ADSS2: variants seen among roughly 807,000 people sequenced by gnomAD.
The protein encoded by ADSS2 is adenylosuccinate synthase 2.
Under a neutral mutation model 60.0 loss-of-function variants are expected in ADSS2, and 30 were observed. That is an observed-to-expected ratio of 0.50 (90% CI 0.37 to 0.68). The LOEUF (loss-of-function observed/expected upper bound fraction) is 0.68, where lower values mean the gene tolerates loss of function less well. Among genes scored for constraint, ADSS2 ranks in the 30% least tolerant of loss-of-function variants. The pLI is 0.00. For missense variants in ADSS2, 373 were observed against 554.8 expected, an observed-to-expected ratio of 0.67 and a Z score of 3.29; for synonymous variants, 187 against 193.1, an observed-to-expected ratio of 0.97 and a Z score of 0.26.
intron 6 of ADSS2, among the ~76,000 whole-genome samples, chr1:244,423,231 A>G (rs1243065098): frequency 6.6e-6 from 1 of 152,238 alleles, no homozygotes; most frequent in African/African-American, 2.4e-5. Flanking sequence ...AATTAACTGT[A>G]TTATACTGTA....
At chr1:244,431,843 TGCTTGGCTGAGAAA>T (rs1664953133) in intron 4 of ADSS2, among the ~76,000 whole-genome samples, 1 of 152,238 alleles carries the variant, frequency 6.6e-6, no homozygotes, top group Non-Finnish European at 1.5e-5. Flanking sequence ...TTGATTTCTG[TGCTTGGCTGAGAAA>T]TACTGTAAGT....
rs1048427245 is a variant in ADSS2, at chr1:244,451,448, G to A, written c.183+187C>T. On this transcript the variant is annotated intron_variant, in intron 1 of 12. Transcript: ENST00000366535. The surrounding 1 kb of genome is among the most constrained non-coding windows in gnomAD (Gnocchi z 6.6). ...CCCCAAGTTTCACCCGACGCTCCAG[G>A]TCAGGGGTCCCCGACCTCCCGCCAT... Among the ~76,000 whole-genome samples, 2 of 152,170 alleles carry A rather than the reference G, an allele frequency of 1.3e-5. No individual in the cohort carries two copies. Among genetic ancestry groups the A allele is most frequent in the Non-Finnish European group, 2.9e-5 (2 of 68,024 alleles).
intron 1 of ADSS2, among the ~76,000 whole-genome samples, chr1:244,447,288 C>T (rs1192604124): frequency 6.6e-6 from 1 of 152,160 alleles, no homozygotes; most frequent in Non-Finnish European, 1.5e-5. Flanking sequence ...AAGTAAATAT[C>T]AATTTATTGG....
In ADSS2 at chr1:244,411,275, G is replaced by C. The variant is rs1664408545; in HGVS notation, c.1318+12C>G. 1.3e-6 allele frequency: 2 copies of C among 1,596,584 alleles called. No homozygotes were observed. Among genetic ancestry groups the C allele is most frequent in the Admixed American group, 3.6e-5 (2 of 55,878 alleles). On this transcript the variant is annotated intron_variant, in intron 12 of 12. Transcript: ENST00000366535. ...AAAAGAAAAAACTTATTCACAAAGT[G>C]TTTATGTTTACCTGGAATTTGAAGC...
At chr1:244,415,825 C>A (rs542279716) in intron 11 of ADSS2, among the ~76,000 whole-genome samples, 156 bp downstream of exon 11, 1 of 152,200 alleles carries the variant, frequency 6.6e-6, no homozygotes, top group Non-Finnish European at 1.5e-5. Context: ...TAGCTATGAA[C>A]CAAATAACTA....
chr1:244,431,792 T>C (rs1664951366), intron 4 of ADSS2, among the ~76,000 whole-genome samples: 1 of 152,194 alleles, frequency 6.6e-6, no homozygotes, highest in Admixed American at 6.5e-5. Flanking sequence ...AGATTATACA[T>C]AGGATTCAAG....
At chr1:244,433,623 C>G (rs183557512) in intron 3 of ADSS2, among the ~76,000 whole-genome samples, 7 of 152,026 alleles carry the variant, frequency 4.6e-5, no homozygotes, top group Non-Finnish European at 7.4e-5. Flanking sequence ...TTTGGGAGGC[C>G]AAGGCGGGCG....
chr1:244,437,867 A>G (rs975992936), intron 1 of ADSS2, 99 bp from the exon 2 acceptor site: 2 of 906,064 alleles, frequency 2.2e-6, no homozygotes, highest in African/African-American at 1.6e-5. Flanking sequence ...CAAAAGGTCA[A>G]CTTAAGAGAG....
chr1:244,441,995 C>T (rs896977603), intron 1 of ADSS2, among the ~76,000 whole-genome samples: 2 of 152,044 alleles, frequency 1.3e-5, no homozygotes, highest in Non-Finnish European at 2.9e-5. Flanking sequence ...TCATCATTTG[C>T]TCAAGGTTAA....
intron 12 of ADSS2, among the ~76,000 whole-genome samples, chr1:244,410,393 T>C (rs1026418089): frequency 6.6e-6 from 1 of 152,222 alleles, no homozygotes; most frequent in African/African-American, 2.4e-5. Flanking sequence ...AAAAGCCATC[T>C]GTTAAAAGAA....
chr1:244,423,872 C>T (rs903586661), intron 6 of ADSS2, 81 bp downstream of exon 6: 6 of 1,066,600 alleles, frequency 5.6e-6, no homozygotes, highest in Non-Finnish European at 5.5e-6. Context: ...AGAATACCGA[C>T]TGTATCATTT....
At position 244,422,813 on chromosome 1, in the gene ADSS2, T is replaced by TA. The variant is rs752274725; in HGVS notation, c.663+21dup. ...GGCAAACAAGTATTAAAAAGAACAT[T>TA]AAAGATGCCAGAAAGCATTACCTTG... On this transcript the variant is annotated intron_variant, in intron 7 of 12. Transcript: ENST00000366535. The TA allele has an allele frequency of 1.2e-4, 187 of 1,543,256 alleles. 1 individual carries two copies. The South Asian group carries it at 2.0e-3, about 17-fold the overall frequency.
chr1:244,420,882 T>C (rs1664658661), intron 7 of ADSS2, among the ~76,000 whole-genome samples: 1 of 151,978 alleles, frequency 6.6e-6, no homozygotes, highest in Non-Finnish European at 1.5e-5. Flanking sequence ...CTTTTTCTTT[T>C]GGTGGAGGTG....
intron 3 of ADSS2, among the ~76,000 whole-genome samples, chr1:244,433,499 G>A (rs1365392389): frequency 3.3e-5 from 5 of 152,284 alleles, no homozygotes; most frequent in Middle Eastern, 3.4e-3. Flanking sequence ...TTAGGTACCT[G>A]GCAGGGAGAA....
chr1:244,450,032 T>C (rs941006876), intron 1 of ADSS2, among the ~76,000 whole-genome samples: 1 of 152,262 alleles, frequency 6.6e-6, no homozygotes, highest in Non-Finnish European at 1.5e-5. Flanking sequence ...ACCCATAGTG[T>C]AGCTCAACCT....
At chr1:244,428,531 A>AGAGG (rs1330863073) in intron 4 of ADSS2, among the ~76,000 whole-genome samples, 3 of 150,784 alleles carry the variant, frequency 2.0e-5, no homozygotes, top group East Asian at 2.0e-4. Context: ...AGGGAGAGAG[A>AGAGG]GAGGGAGGGA....
At chr1:244,417,559 A>G in intron 10 of ADSS2, 69 bp downstream of exon 10, 1 of 1,564,088 alleles carries the variant, frequency 6.4e-7, no homozygotes, top group South Asian at 1.2e-5. Context: ...AAGGTACTCC[A>G]CAAAATTAAA....
chr1:244,432,567 A>C lies in ADSS2; in HGVS notation c.384T>G (p.Ile128Met), dbSNP rs1326818390. The C allele has an allele frequency of 1.3e-6, 2 of 1,584,726 alleles. No individual in the cohort carries two copies. Among genetic ancestry groups the C allele is most frequent in the South Asian group, 1.2e-5 (1 of 85,786 alleles). Residue 128 changes from isoleucine (I) to methionine (M), a missense_variant, in exon 4 of 13, where the codon ATT becomes ATG. This residue lies in a region of ADSS2 where 139 missense variants were observed against 189.4 expected (regional missense o/e 0.73). Coordinates refer to ENST00000366535, the MANE Select transcript of ADSS2 (RefSeq NM_001126.5). Reference protein sequence around the residue: ...KGLEGWEKRLIISDRAHIVFD... With the variant: ...KGLEGWEKRLMISDRAHIVFD... The stretch of plus-strand genomic sequence containing the variant: ...TACCAATATGAGCTCTGTCAGATAT[A>C]ATAAGCCTTTTTTCCCAGCCTTCTA...
At chr1:244,426,648 T>C (rs551783045) in intron 4 of ADSS2, among the ~76,000 whole-genome samples, 1 of 152,216 alleles carries the variant, frequency 6.6e-6, no homozygotes, top group Non-Finnish European at 1.5e-5. Context: ...ATTAATGTTA[T>C]ACTATGCTTG....
Sources: allele counts gnomAD v4.1 joint callset (sites outside exome capture counted in the v4.1 genomes callset), GRCh38; gene constraint gnomAD v4.1.1; regional missense constraint gnomAD v4.1.1; non-coding constraint Gnocchi (gnomAD v3.1); transcripts MANE v1.5; gene names NCBI Gene and HGNC (gene_info 2026-07-23, HGNC 2026-07-21).